MYO18A: variants seen among roughly 807,000 people sequenced by gnomAD.
MYO18A encodes unconventional myosin-XVIIIa.
In MYO18A, 78 loss-of-function variants were observed where a neutral mutation model predicts 235.8. The ratio of observed to expected loss-of-function variants is 0.33; its 90% CI spans 0.28 to 0.40. The LOEUF (loss-of-function observed/expected upper bound fraction) is 0.40. Ranked by LOEUF, MYO18A falls within the 10% of genes least tolerant of loss-of-function variation. MYO18A has a pLI of 1.00. For missense variants in MYO18A, 2,215 were observed against 2,699.3 expected (o/e 0.82, Z 3.98); for synonymous variants, 977 against 1,077.8 (o/e 0.91, Z 1.83).
chr17:29,119,616 T>G (rs1349465883), intron 7 of MYO18A, among the ~76,000 whole-genome samples, 181 bp from the exon 8 acceptor site: 3 of 149,170 alleles, frequency 2.0e-5, no homozygotes, highest in Admixed American at 1.4e-4. Flanking sequence ...CAGGCTGGAG[T>G]GCAGTGGAGC....
chr17:29,130,516 A>G (rs946061774), intron 2 of MYO18A, among the ~76,000 whole-genome samples: 1 of 122,714 alleles, frequency 8.1e-6, no homozygotes. Flanking sequence ...ACACACACAC[A>G]CACACACACA....
Position 29,074,470 on chromosome 17 carries a change from C to T in MYO18A, c.*300G>A, listed in dbSNP as rs2065929114. 5.2e-6 allele frequency: 3 copies of T among 578,712 alleles called. No individual in the cohort carries two copies. In the African/African-American group the frequency reaches 5.6e-5, roughly 11 times the overall value. 35.8% of individuals were successfully genotyped at this position (578,712 alleles called of 1,614,324 possible). Reference sequence around the variant, plus strand: ...GAGAGGGAGGTCAACGTGCTGGCTCCATGCAGTGCCAGGCCACCTGCCACT... The same window carrying T: ...GAGAGGGAGGTCAACGTGCTGGCTCTATGCAGTGCCAGGCCACCTGCCACT... On this transcript the variant is annotated 3_prime_UTR_variant, in exon 42 of 42. Coordinates refer to ENST00000527372, the MANE Select transcript of MYO18A (RefSeq NM_078471.4). The surrounding 1 kb of genome is among the most constrained non-coding windows in gnomAD (Gnocchi z 4.4).
chr17:29,173,769 G>GA (rs544963663), intron 1 of MYO18A, among the ~76,000 whole-genome samples: 2 of 146,482 alleles, frequency 1.4e-5, no homozygotes, highest in Non-Finnish European at 1.5e-5. Context: ...TGGTATCTGT[G>GA]AAAAAAAAAA....
chr17:29,159,742 G>C (rs893704967), intron 2 of MYO18A, among the ~76,000 whole-genome samples: 8 of 152,128 alleles, frequency 5.3e-5, no homozygotes, highest in Non-Finnish European at 8.8e-5. Flanking sequence ...GGTACCCTAG[G>C]GACAAGGTTG....
At chr17:29,127,227 T>A (rs766148943) in intron 2 of MYO18A, among the ~76,000 whole-genome samples, 10 of 152,348 alleles carry the variant, frequency 6.6e-5, no homozygotes, top group Middle Eastern at 3.4e-3. Context: ...CCTGGCAGTT[T>A]ATCCTCTATG....
intron 18 of MYO18A, 82 bp downstream of exon 18, chr17:29,110,354 T>C: frequency 6.9e-7 from 1 of 1,443,716 alleles, no homozygotes; most frequent in Non-Finnish European, 9.2e-7. Flanking sequence ...ATGGCCTCAG[T>C]GTGCTCGGAG....
At chr17:29,099,788 G>T in intron 21 of MYO18A, 26 bp from the exon 22 acceptor site, 1 of 1,607,580 alleles carries the variant, frequency 6.2e-7, no homozygotes. Context: ...CCAGGTGAAG[G>T]CAGGATACTG....
At chr17:29,085,566 C>T (rs554926649) in intron 40 of MYO18A, 38 bp downstream of exon 40, 21 of 1,608,098 alleles carry the variant, frequency 1.3e-5, no homozygotes, top group Middle Eastern at 1.7e-4. Flanking sequence ...TAGACACCCG[C>T]GAGGACAGGC....
intron 2 of MYO18A, among the ~76,000 whole-genome samples, chr17:29,144,803 G>C (rs985423763): frequency 3.9e-5 from 6 of 152,090 alleles, no homozygotes; most frequent in Admixed American, 3.9e-4. Context: ...ATATACAGTG[G>C]AGTCACACAC....
chr17:29,115,698 C>G lies in MYO18A; in HGVS notation c.2193G>C (p.Gln731His). 1 of 1,606,704 alleles carries G rather than the reference C, an allele frequency of 6.2e-7. No homozygotes were observed. Among genetic ancestry groups the G allele is most frequent in the Admixed American group, 1.7e-5 (1 of 59,334 alleles). Residue 731 changes from glutamine (Q) to histidine (H), a missense_variant, in exon 12 of 42, where the codon CAG becomes CAC. Physicochemically the swap from Gln to His is conservative, Grantham distance 24. Coordinates refer to ENST00000527372, the MANE Select transcript of MYO18A (RefSeq NM_078471.4). ...CTCCCAGGCCACTCTCCTCGGGGCC[C>G]TGGCGGAAGGAGGTGGAGCGCTGCA... ...GTLQRSTSFR[Q>H]GPEESGLGDG...
intron 15 of MYO18A, among the ~76,000 whole-genome samples, chr17:29,112,746 A>G (rs968699494): frequency 6.6e-6 from 1 of 152,238 alleles, no homozygotes; most frequent in African/African-American, 2.4e-5. Context: ...GCTGGAGGAA[A>G]AAAGAAGTGA....
intron 34 of MYO18A, chr17:29,091,871 G>A (rs2066406256): frequency 3.1e-6 from 1 of 325,618 alleles, no homozygotes; most frequent in Non-Finnish European, 6.1e-6. Flanking sequence ...CGATGGATGG[G>A]CCGTGGGAGA....
chr17:29,092,540 G>C (rs920778590), intron 33 of MYO18A, 84 bp from the exon 34 acceptor site: 1 of 1,138,776 alleles, frequency 8.8e-7, no homozygotes, highest in Non-Finnish European at 1.3e-6. Flanking sequence ...GAGGGAGCTC[G>C]GATGCCCTCC....
intron 2 of MYO18A, among the ~76,000 whole-genome samples, chr17:29,154,353 C>T (rs1461951901): frequency 6.6e-6 from 1 of 152,072 alleles, no homozygotes; most frequent in Non-Finnish European, 1.5e-5. Flanking sequence ...GGTGGTCAGG[C>T]TGGTACCCCT....
chr17:29,174,612 C>T (rs1376873786), intron 1 of MYO18A, among the ~76,000 whole-genome samples: 3 of 152,072 alleles, frequency 2.0e-5, no homozygotes, highest in Admixed American at 6.6e-5. Flanking sequence ...GTCAGAAGTT[C>T]GAGACTAGCC....
At chr17:29,087,714 C>T (rs942765455) in intron 37 of MYO18A, among the ~76,000 whole-genome samples, 4 of 152,250 alleles carry the variant, frequency 2.6e-5, no homozygotes, top group Middle Eastern at 3.4e-3. Flanking sequence ...GCTTGTAATC[C>T]TGGTTCTACC....
At chr17:29,086,659 T>G in intron 38 of MYO18A, 82 bp from the exon 39 acceptor site, 3 of 1,517,674 alleles carry the variant, frequency 2.0e-6, no homozygotes, top group African/African-American at 1.4e-5. Flanking sequence ...TCAAGTACTT[T>G]CCGGTCATGG....
chr17:29,085,176 T>G (rs1186625820), intron 40 of MYO18A, among the ~76,000 whole-genome samples: 1 of 152,242 alleles, frequency 6.6e-6, no homozygotes, highest in Admixed American at 6.5e-5. Context: ...ACACGCCCGC[T>G]TCTTTCAGGC....
Position 29,090,630 on chromosome 17 carries a change from A to G in MYO18A, c.5305-15T>C. The G allele has an allele frequency of 6.3e-7, 1 of 1,594,226 alleles. No individual in the cohort carries two copies. The highest frequency in any genetic ancestry group is 1.1e-5 in the South Asian group (1 of 88,858). ...TCCCGGGAAGCCTGGGAAAGGAATG[A>G]GAGCATCAGAAGCAGGATCCCCCAT... On this transcript the variant is annotated splice_polypyrimidine_tract_variant and intron_variant, in intron 35 of 41. Transcript: ENST00000527372.
Sources: allele counts gnomAD v4.1 joint callset (sites outside exome capture counted in the v4.1 genomes callset), GRCh38; gene constraint gnomAD v4.1.1; non-coding constraint Gnocchi (gnomAD v3.1); transcripts MANE v1.5; gene names NCBI Gene and HGNC (gene_info 2026-07-23, HGNC 2026-07-21).